TRPM3: variants seen among roughly 807,000 people sequenced by gnomAD.
TRPM3 encodes long transient receptor potential channel 3.
In TRPM3, 77 loss-of-function variants were observed where a neutral mutation model predicts 181.2. That is an observed-to-expected ratio of 0.42 (90% CI 0.35 to 0.51). TRPM3 has a LOEUF of 0.51. Ranked by LOEUF, TRPM3 falls within the 20% of genes least tolerant of loss-of-function variation. The pLI is 0.01. For missense variants in TRPM3, 1,759 were observed against 2,196.7 expected, an observed-to-expected ratio of 0.80 and a Z score of 3.98; for synonymous variants, 745 against 796.4, an observed-to-expected ratio of 0.94 and a Z score of 1.09.
chr9:71,143,540 T>C (rs2075243699), intron 1 of TRPM3, among the ~76,000 whole-genome samples: 1 of 152,190 alleles, frequency 6.6e-6, no homozygotes, highest in Non-Finnish European at 1.5e-5. Context: ...TATGGCTGCA[T>C]AGGATTCCAT....
At chr9:70,749,296 A>G (rs1047981472) in intron 8 of TRPM3, among the ~76,000 whole-genome samples, 6 of 152,182 alleles carry the variant, frequency 3.9e-5, no homozygotes, top group Non-Finnish European at 7.3e-5. Context: ...ATTATTGCAA[A>G]TGAGAACCAG....
intron 14 of TRPM3, among the ~76,000 whole-genome samples, chr9:70,623,050 G>GA (rs1191168879): frequency 1.3e-5 from 2 of 151,824 alleles, no homozygotes; most frequent in Admixed American, 1.3e-4. Context: ...TTCAGAATCA[G>GA]AAAAAAACTT....
chr9:70,634,136 A>G (rs558682477), intron 12 of TRPM3, among the ~76,000 whole-genome samples: 1 of 152,208 alleles, frequency 6.6e-6, no homozygotes, highest in East Asian at 1.9e-4. Flanking sequence ...TTTTGATGGA[A>G]TCTCACTCTG....
intron 1 of TRPM3, among the ~76,000 whole-genome samples, chr9:71,196,752 G>C (rs973056690): frequency 6.6e-6 from 1 of 151,952 alleles, no homozygotes; most frequent in Non-Finnish European, 1.5e-5. Context: ...ACTTACATGT[G>C]TTTCAAAGAA....
At chr9:71,086,901 C>G (rs1443392783) in intron 1 of TRPM3, among the ~76,000 whole-genome samples, 1 of 152,030 alleles carries the variant, frequency 6.6e-6, no homozygotes, top group Non-Finnish European at 1.5e-5. Flanking sequence ...AATTTACACT[C>G]TCGGCACTTC....
chr9:70,671,531 A>T (rs2062925193), intron 9 of TRPM3, among the ~76,000 whole-genome samples: 1 of 86,298 alleles, frequency 1.2e-5, no homozygotes, highest in Non-Finnish European at 2.3e-5. Flanking sequence ...GGTAACAGTG[A>T]TTATTATAAT....
chr9:71,422,633 T>G (rs2093797698), intron 1 of TRPM3, among the ~76,000 whole-genome samples: 1 of 152,048 alleles, frequency 6.6e-6, no homozygotes. Flanking sequence ...CAAAAACTTG[T>G]GAATGAATGA....
rs532124265 is a variant in TRPM3, at chr9:70,891,730, G to A, written c.178-27219C>T. On this transcript the variant is annotated intron_variant, in intron 1 of 25. Transcript: ENST00000677713. Reference sequence around the variant, plus strand: ...GTTGTATAAAATGAACATGTATTATGTACCATGAGCCACTGTTAGGAGGTT... The same window carrying A: ...GTTGTATAAAATGAACATGTATTATATACCATGAGCCACTGTTAGGAGGTT... 3.3e-5 allele frequency among the ~76,000 whole-genome samples: 5 copies of A among 152,246 alleles called. No individual in the cohort carries two copies. In the South Asian group the frequency reaches 1.0e-3, roughly 32 times the overall value.
chr9:70,815,200 A>C (rs2092582900), intron 6 of TRPM3, among the ~76,000 whole-genome samples: 1 of 152,138 alleles, frequency 6.6e-6, no homozygotes, highest in African/African-American at 2.4e-5. Context: ...CATACCCTTG[A>C]ATATCTTTTA....
At chr9:70,791,856 A>G (rs1002231991) in intron 6 of TRPM3, among the ~76,000 whole-genome samples, 4 of 152,140 alleles carry the variant, frequency 2.6e-5, no homozygotes, top group African/African-American at 9.7e-5. Context: ...AAACAAATCT[A>G]TTTTGTGCAT....
At chr9:71,136,493 G>T (rs756286162) in intron 1 of TRPM3, among the ~76,000 whole-genome samples, 4 of 152,160 alleles carry the variant, frequency 2.6e-5, no homozygotes, top group Non-Finnish European at 5.9e-5. Context: ...ACTTCTTAGG[G>T]ATTTTTACTT....
At chr9:71,429,761 C>T (rs1420592393) in intron 1 of TRPM3, among the ~76,000 whole-genome samples, 1 of 152,128 alleles carries the variant, frequency 6.6e-6, no homozygotes, top group Admixed American at 6.5e-5. Context: ...AGCATTTGTG[C>T]ACATAGGTTT....
chr9:70,663,313 A>G (rs575395385), intron 9 of TRPM3, among the ~76,000 whole-genome samples: 4 of 152,292 alleles, frequency 2.6e-5, no homozygotes, highest in Admixed American at 1.3e-4. Flanking sequence ...TGACGGGTGC[A>G]TTAAAATCTC....
In TRPM3 at chr9:70,549,595, C is replaced by G; in HGVS notation, c.3654G>C (p.Lys1218Asn). 6.2e-7 allele frequency: 1 copy of G among 1,613,620 alleles called. No individual in the cohort carries two copies. The highest frequency in any genetic ancestry group is 8.5e-7 in the Non-Finnish European group (1 of 1,179,846). The change falls in exon 25 of 26, where the codon AAG becomes AAC. Residue 1218 changes from lysine (K) to asparagine (N), a missense_variant. This residue lies in a region of TRPM3 where 96 missense variants were observed against 129.6 expected (regional missense o/e 0.74). Transcript: ENST00000677713. ...EQCIEEYFRE[K>N]DDRFNSSNDE... ...CATTAGATGAGTTGAACCGATCATC[C>G]TTTTCTCTGAAGTATTCTTCTATGC...
intron 1 of TRPM3, among the ~76,000 whole-genome samples, chr9:70,911,692 C>G (rs998391454): frequency 6.6e-6 from 1 of 152,196 alleles, no homozygotes; most frequent in African/African-American, 2.4e-5. Context: ...CACTTTCCCA[C>G]TCATTATCTA....
intron 1 of TRPM3, among the ~76,000 whole-genome samples, chr9:71,187,954 ATCG>A (rs1295075216): frequency 8.5e-4 from 44 of 51,952 alleles, no homozygotes; most frequent in African/African-American, 1.9e-3. Context: ...TAGATAGATC[ATCG>A]CATTTTTTAA....
intron 21 of TRPM3, among the ~76,000 whole-genome samples, chr9:70,595,016 C>T (rs2058762812): frequency 6.6e-6 from 1 of 152,132 alleles, no homozygotes; most frequent in Non-Finnish European, 1.5e-5. Flanking sequence ...TGTACTTATT[C>T]TTGACTGATA....
chr9:71,179,104 A>G (rs546769490), intron 1 of TRPM3, among the ~76,000 whole-genome samples: 87 of 152,268 alleles, frequency 5.7e-4, no homozygotes, highest in African/African-American at 2.0e-3. Flanking sequence ...TCTTTCCTAT[A>G]TTCTAGGTTT....
chr9:70,894,984 T>C (rs2096262340), intron 1 of TRPM3, among the ~76,000 whole-genome samples: 2 of 152,214 alleles, frequency 1.3e-5, no homozygotes, highest in Non-Finnish European at 2.9e-5. Context: ...GCTAGTGCCA[T>C]GGCTTGGGAA....
Sources: allele counts gnomAD v4.1 joint callset (sites outside exome capture counted in the v4.1 genomes callset), GRCh38; gene constraint gnomAD v4.1.1; regional missense constraint gnomAD v4.1.1; transcripts MANE v1.5; gene names NCBI Gene and HGNC (gene_info 2026-07-23, HGNC 2026-07-21).